The following CCDC192 variants were observed in gnomAD, a reference collection of about 807,000 sequenced individuals.
The protein encoded by CCDC192 is coiled-coil domain containing 192.
intron 3 of CCDC192, among the ~76,000 whole-genome samples, chr5:127,756,132 C>T (rs1415141339): frequency 7.1e-6 from 1 of 141,676 alleles, no homozygotes; most frequent in African/African-American, 2.8e-5. Flanking sequence ...GACTCTGTCT[C>T]AAAGAAAAAA....
At chr5:127,805,227 C>T (rs1035168677) in intron 5 of CCDC192, among the ~76,000 whole-genome samples, 2 of 152,138 alleles carry the variant, frequency 1.3e-5, no homozygotes, top group East Asian at 1.9e-4. Context: ...ATGCTCCCAC[C>T]CACATCATGT....
intron 5 of CCDC192, among the ~76,000 whole-genome samples, chr5:127,857,229 G>A (rs994869573): frequency 2.6e-5 from 4 of 152,074 alleles, no homozygotes; most frequent in Non-Finnish European, 5.9e-5. Flanking sequence ...TCCTTACATA[G>A]GGTTACTCAA....
At chr5:127,825,828 C>T (rs1209447053) in intron 5 of CCDC192, among the ~76,000 whole-genome samples, 3 of 152,064 alleles carry the variant, frequency 2.0e-5, no homozygotes, top group East Asian at 1.9e-4. Context: ...GAAGATATTC[C>T]GTAAGAAGAT....
intron 6 of CCDC192, among the ~76,000 whole-genome samples, chr5:127,935,968 G>A (rs1457757265): frequency 6.6e-6 from 1 of 152,170 alleles, no homozygotes; most frequent in Admixed American, 6.5e-5. Flanking sequence ...TCCGAGTGTG[G>A]TGGCTCATGC....
At chr5:127,927,664 A>G (rs1392231602) in intron 6 of CCDC192, among the ~76,000 whole-genome samples, 1 of 152,230 alleles carries the variant, frequency 6.6e-6, no homozygotes, top group Admixed American at 6.5e-5. Flanking sequence ...AGAGGGAACT[A>G]TAATGGTTTA....
intron 3 of CCDC192, among the ~76,000 whole-genome samples, chr5:127,755,491 G>A (rs1201072382): frequency 6.6e-6 from 1 of 151,794 alleles, no homozygotes; most frequent in Admixed American, 6.6e-5. Context: ...CGGTCACAGG[G>A]GGCTTGTGTC....
At chr5:127,925,373 T>C (rs1459148641) in intron 6 of CCDC192, among the ~76,000 whole-genome samples, 3 of 150,500 alleles carry the variant, frequency 2.0e-5, no homozygotes, top group Non-Finnish European at 4.4e-5. Context: ...ATGAAAAAAA[T>C]AAAATCAAGC....
At chr5:127,819,520 A>G (rs1172950504) in intron 5 of CCDC192, among the ~76,000 whole-genome samples, 3 of 152,072 alleles carry the variant, frequency 2.0e-5, no homozygotes, top group Admixed American at 6.6e-5. Flanking sequence ...ATCTTTTTTG[A>G]GTCTGGGTGG....
chr5:127,820,560 C>A (rs989682329), intron 5 of CCDC192, among the ~76,000 whole-genome samples: 6 of 152,048 alleles, frequency 3.9e-5, no homozygotes, highest in Non-Finnish European at 7.4e-5. Context: ...CCAGCCTGGG[C>A]GACAGAGTGA....
At chr5:127,921,628 T>C (rs1753724208) in intron 6 of CCDC192, among the ~76,000 whole-genome samples, 1 of 152,194 alleles carries the variant, frequency 6.6e-6, no homozygotes, top group Non-Finnish European at 1.5e-5. Context: ...CTTTCATTAA[T>C]TATATGGATT....
At chr5:127,718,372 C>T (rs1223188399) in intron 2 of CCDC192, among the ~76,000 whole-genome samples, 1 of 152,214 alleles carries the variant, frequency 6.6e-6, no homozygotes, top group East Asian at 1.9e-4. Flanking sequence ...ATGGAAGCAT[C>T]TGAGTGTCTC....
intron 6 of CCDC192, among the ~76,000 whole-genome samples, chr5:127,925,115 G>C (rs1369429626): frequency 7.8e-6 from 1 of 128,214 alleles, no homozygotes; most frequent in Non-Finnish European, 1.5e-5. Context: ...CCTCTCTAAA[G>C]TGCCTTGGAT....
intron 5 of CCDC192, among the ~76,000 whole-genome samples, chr5:127,811,980 A>G (rs1356390326): frequency 6.6e-6 from 1 of 152,192 alleles, no homozygotes; most frequent in Admixed American, 6.5e-5. Context: ...CCCTCTGAAC[A>G]TTCAAGACAG....
chr5:127,880,739 G>A (rs1752319313), intron 6 of CCDC192, among the ~76,000 whole-genome samples: 1 of 152,214 alleles, frequency 6.6e-6, no homozygotes, highest in East Asian at 1.9e-4. Context: ...CAGCACTTTG[G>A]GAGGCAGAGG....
At chr5:127,709,608 T>G in intron 2 of CCDC192, among the ~76,000 whole-genome samples, 1 of 152,220 alleles carries the variant, frequency 6.6e-6, no homozygotes, top group East Asian at 1.9e-4. Flanking sequence ...CTCAAATTTA[T>G]AATAATTTTC....
intron 4 of CCDC192, 137 bp from the exon 5 acceptor site, chr5:127,797,969 G>A: frequency 2.6e-6 from 1 of 388,654 alleles, no homozygotes; most frequent in Non-Finnish European, 4.5e-6. Flanking sequence ...TTTCTCCAAT[G>A]ATGGTTTTCA....
chr5:127,924,071 T>C (rs1047435021), intron 6 of CCDC192, among the ~76,000 whole-genome samples: 5 of 152,208 alleles, frequency 3.3e-5, no homozygotes, highest in African/African-American at 1.2e-4. Flanking sequence ...CTGACCAATA[T>C]ATTCACAGAC....
chr5:127,780,595 A>G (rs1352050894), intron 3 of CCDC192, among the ~76,000 whole-genome samples: 1 of 151,864 alleles, frequency 6.6e-6, no homozygotes, highest in African/African-American at 2.4e-5. Flanking sequence ...ATTTTTTCAT[A>G]TATTTGTTGG....
chr5:127,865,692 A>G lies in CCDC192; in HGVS notation c.412-9846A>G, dbSNP rs376493866. On this transcript the variant is annotated intron_variant, in intron 5 of 6. Transcript: ENST00000514853. ...CTTCAGTACACATTTATAAAATTGTATGAATGTGGACAGAATTGGGAGGGA... is the reference window on the plus strand; with the variant it reads ...CTTCAGTACACATTTATAAAATTGTGTGAATGTGGACAGAATTGGGAGGGA... Among the ~76,000 whole-genome samples the G allele has an allele frequency of 1.6e-4, 24 of 150,720 alleles. No homozygotes were observed. The South Asian group carries it at 5.2e-3, about 32-fold the overall frequency.
Sources: allele counts gnomAD v4.1 joint callset (sites outside exome capture counted in the v4.1 genomes callset), GRCh38; gene constraint gnomAD v4.1.1; transcripts MANE v1.5; gene names NCBI Gene and HGNC (gene_info 2026-07-23, HGNC 2026-07-21).